PITPNM2: variants seen among roughly 807,000 people sequenced by gnomAD.
The protein encoded by PITPNM2 is membrane-associated phosphatidylinositol transfer protein 2.
A neutral mutation model predicts 132.2 loss-of-function variants in PITPNM2; 35 were observed. That is an observed-to-expected ratio of 0.26 (90% CI 0.20 to 0.35). The LOEUF (loss-of-function observed/expected upper bound fraction) is 0.35. Ranked by LOEUF, PITPNM2 falls within the 10% of genes least tolerant of loss-of-function variation. The probability of loss-of-function intolerance (pLI) is 1.00; values close to 1 mark genes in which losing one functional copy is unlikely to be tolerated. For missense variants in PITPNM2, 1,332 were observed against 1,912.0 expected (o/e 0.70, Z 5.66); for synonymous variants, 738 against 799.2 (o/e 0.92, Z 1.29).
chr12:123,102,463 G>A (rs1195846108), intron 2 of PITPNM2, among the ~76,000 whole-genome samples: 1 of 152,196 alleles, frequency 6.6e-6, no homozygotes, highest in African/African-American at 2.4e-5. Flanking sequence ...TACTGTGATG[G>A]GGACGATGAA....
In PITPNM2 at chr12:123,012,601, C is replaced by A; in HGVS notation, c.415+12G>T. ...GAGTACAGCCCTGTGGGGCTCTGCC[C>A]TTCCTGGTTACCGATTGTCAGCTGG... On this transcript the variant is annotated intron_variant, in intron 5 of 25. Transcript: ENST00000320201. 1 of 1,613,912 alleles carries A rather than the reference C, an allele frequency of 6.2e-7. No individual in the cohort carries two copies. Among genetic ancestry groups the A allele is most frequent in the Non-Finnish European group, 8.5e-7 (1 of 1,179,804 alleles).
intron 1 of PITPNM2, among the ~76,000 whole-genome samples, chr12:123,139,842 G>A (rs984334746): frequency 1.3e-5 from 2 of 152,224 alleles, no homozygotes; most frequent in Admixed American, 6.5e-5. Context: ...CAGAGGCCAA[G>A]TAGTCCACTT....
chr12:123,091,410 A>T (rs781256490), intron 2 of PITPNM2: 2 of 152,182 alleles, frequency 1.3e-5, no homozygotes, highest in Non-Finnish European at 2.9e-5. Context: ...CCCCCATTTC[A>T]TTCTCACCAC....
At position 123,103,973 on chromosome 12, in the gene PITPNM2, G is replaced by A. The variant is rs151015077; in HGVS notation, c.-96+6412C>T. ...GTTGCGCAGGCTGGAGTGCAGTGGC[G>A]TGATCTTGGCTAACCGCAACCTCCG... On this transcript the variant is annotated intron_variant, in intron 2 of 25. Transcript: ENST00000320201. Among the ~76,000 whole-genome samples the A allele has an allele frequency of 6.0e-3, 916 of 152,130 alleles. 12 individuals carry two copies. Among genetic ancestry groups the A allele is most frequent in the African/African-American group, 0.021 (879 of 41,470 alleles).
chr12:123,103,135 T>G (rs1030422396), intron 2 of PITPNM2, among the ~76,000 whole-genome samples: 1 of 152,208 alleles, frequency 6.6e-6, no homozygotes, highest in Admixed American at 6.5e-5. Context: ...ACACAAGGCC[T>G]CTGGTTTGTG....
intron 23 of PITPNM2, 78 bp from the exon 24 acceptor site, chr12:122,986,907 CT>C (rs1465480212): frequency 6.8e-7 from 1 of 1,464,226 alleles, no homozygotes; most frequent in Non-Finnish European, 9.1e-7. Flanking sequence ...CCAGGGCCCA[CT>C]TGGGCCATTG....
chr12:123,005,606 C>A lies in PITPNM2; in HGVS notation c.644-58G>T. The A allele has an allele frequency of 1.3e-6, 2 of 1,542,768 alleles. No homozygotes were observed. Among genetic ancestry groups the A allele is most frequent in the Middle Eastern group, 1.7e-4 (1 of 5,790 alleles). On this transcript the variant is annotated intron_variant, in intron 6 of 25. Coordinates refer to ENST00000320201, the MANE Select transcript of PITPNM2 (RefSeq NM_020845.3). This position sits in a 1 kb window ranked among gnomAD's most constrained non-coding sequence, Gnocchi z 6.2. ...GAGGGGAGGGAGGTCAGCGCAGGAG[C>A]CTGCACGGAAGTGTGGGGCCCAGGC...
In PITPNM2 at chr12:122,988,248, G is replaced by A; in HGVS notation, c.2983C>T (p.His995Tyr). 1 of 1,612,816 alleles carries A rather than the reference G, an allele frequency of 6.2e-7. No homozygotes were observed. The highest frequency in any genetic ancestry group is 8.5e-7 in the Non-Finnish European group (1 of 1,179,922). The change falls in exon 20 of 26, where the codon CAC becomes TAC. Residue 995 changes from histidine (H) to tyrosine (Y), a missense_variant. His to Tyr is a moderately conservative substitution (Grantham distance 83, BLOSUM62 2). Around this residue, in one of 6 missense-constraint regions of PITPNM2, gnomAD observed 251 missense variants for 472.0 expected, o/e 0.53. Coordinates refer to ENST00000320201, the MANE Select transcript of PITPNM2 (RefSeq NM_020845.3). ...GGGACCCTCACCCGCAGCTTCACGT[G>A]GGTCCGCTTGCGCTGCCACTTCTCC... ...PREKWQRKRTHVKLRNVTANH... is the reference protein window; with the variant it reads ...PREKWQRKRTYVKLRNVTANH...
At chr12:123,010,261 A>G (rs924482259) in intron 5 of PITPNM2, among the ~76,000 whole-genome samples, 184 bp from the exon 6 acceptor site, 2 of 152,158 alleles carry the variant, frequency 1.3e-5, no homozygotes, top group South Asian at 2.1e-4. Flanking sequence ...TGGGGCCTGC[A>G]GTTTCCTTGG....
At chr12:123,050,994 T>TC (rs2040837567) in intron 2 of PITPNM2, among the ~76,000 whole-genome samples, 1 of 152,194 alleles carries the variant, frequency 6.6e-6, no homozygotes, top group Non-Finnish European at 1.5e-5. Flanking sequence ...CTATGCACTG[T>TC]CCAACTCCAA....
rs1419920535 is a variant in PITPNM2 at position 123,001,078 on chromosome 12, T to G, written c.1129A>C (p.Ser377Arg). Reference protein sequence around the residue: ...SSNDLMDKIESPEPEDTQDGL... With the variant: ...SSNDLMDKIERPEPEDTQDGL... ...CCTTGTGTGTCTTCCGGCTCTGGGC[T>G]CTCGATCTTGTCCATGAGGTCATTG... is the stretch of plus-strand genomic sequence containing the variant. The change falls in exon 9 of 26, where the codon AGC becomes CGC. Residue 377 changes from serine to arginine, a missense_variant. Around this residue, in one of 6 missense-constraint regions of PITPNM2, gnomAD observed 710 missense variants for 911.5 expected, o/e 0.78. Coordinates refer to ENST00000320201, the MANE Select transcript of PITPNM2 (RefSeq NM_020845.3). The G allele has an allele frequency of 6.2e-7, 1 of 1,614,172 alleles. No homozygotes were observed. Among genetic ancestry groups the G allele is most frequent in the East Asian group, 2.2e-5 (1 of 44,886 alleles).
In PITPNM2 at chr12:123,113,829, A is replaced by G. The variant is rs191604337; in HGVS notation, c.-199-3341T>C. Reference sequence around the variant, plus strand: ...TCATCACCCCAAAAAGAAAACTTGTACACATAAGCAGTCACTTCCCATCCT... The same window carrying G: ...TCATCACCCCAAAAAGAAAACTTGTGCACATAAGCAGTCACTTCCCATCCT... On this transcript the variant is annotated intron_variant, in intron 1 of 25. Transcript: ENST00000320201. Among the ~76,000 whole-genome samples, 50 of 152,314 alleles carry G rather than the reference A, an allele frequency of 3.3e-4. 1 individual carries two copies. Among genetic ancestry groups the G allele is most frequent in the Admixed American group, 3.0e-3 (46 of 15,300 alleles).
intron 1 of PITPNM2, among the ~76,000 whole-genome samples, chr12:123,112,686 T>C (rs2042863017): frequency 6.6e-6 from 1 of 152,024 alleles, no homozygotes; most frequent in South Asian, 2.1e-4. Flanking sequence ...CTACGGCGAC[T>C]GCCACCACGC....
chr12:123,143,585 AC>A (rs1489973221), intron 1 of PITPNM2, among the ~76,000 whole-genome samples: 1 of 151,914 alleles, frequency 6.6e-6, no homozygotes, highest in Non-Finnish European at 1.5e-5. Flanking sequence ...GGCCCCAGGA[AC>A]CCCCCATCTT....
At position 123,095,026 on chromosome 12, in the gene PITPNM2, T is replaced by TA. The variant is rs1487393847; in HGVS notation, c.-96+15358dup. On this transcript the variant is annotated intron_variant, in intron 2 of 25. Coordinates refer to ENST00000320201, the MANE Select transcript of PITPNM2 (RefSeq NM_020845.3). This position sits in a 1 kb window ranked among gnomAD's most constrained non-coding sequence, Gnocchi z 5.0. Reference sequence around the variant, plus strand: ...AGCAAGCATGTTTATCCTTCCCTCATACAACACTTTTTCTTTGGTCACTTC... The same window carrying TA: ...AGCAAGCATGTTTATCCTTCCCTCATAACAACACTTTTTCTTTGGTCACTTC... Among the ~76,000 whole-genome samples, 1 of 152,210 alleles carries TA rather than the reference T, an allele frequency of 6.6e-6. No homozygotes were observed. The highest frequency in any genetic ancestry group is 1.5e-5 in the Non-Finnish European group (1 of 68,022).
chr12:123,008,042 T>C lies in PITPNM2; in HGVS notation c.643+1808A>G, dbSNP rs946273815. On this transcript the variant is annotated intron_variant, in intron 6 of 25. Coordinates refer to ENST00000320201, the MANE Select transcript of PITPNM2 (RefSeq NM_020845.3). The surrounding 1 kb of genome is among the most constrained non-coding windows in gnomAD (Gnocchi z 4.1). Reference sequence around the variant, plus strand: ...CTCGGCCCACAACAGTCCGATAGGATCGGTGTCATTACACCCATTTTACAG... The same window carrying C: ...CTCGGCCCACAACAGTCCGATAGGACCGGTGTCATTACACCCATTTTACAG... Among the ~76,000 whole-genome samples the C allele has an allele frequency of 3.9e-5, 6 of 152,228 alleles. No individual in the cohort carries two copies. Among genetic ancestry groups the C allele is most frequent in the African/African-American group, 9.6e-5 (4 of 41,456 alleles).
chr12:123,044,793 A>AT (rs919426230), intron 2 of PITPNM2, among the ~76,000 whole-genome samples: 20 of 152,070 alleles, frequency 1.3e-4, no homozygotes, highest in African/African-American at 4.6e-4. Flanking sequence ...TTTATCATTA[A>AT]TTTTTTTGGA....
At chr12:123,079,142 G>A (rs1381904794) in intron 2 of PITPNM2, among the ~76,000 whole-genome samples, 1 of 152,030 alleles carries the variant, frequency 6.6e-6, no homozygotes, top group Non-Finnish European at 1.5e-5. Flanking sequence ...TTAGGGCTGG[G>A]AGCACAGTAG....
At chr12:123,090,793 G>T (rs1387607639) in intron 2 of PITPNM2, 4 of 152,412 alleles carry the variant, frequency 2.6e-5, no homozygotes, top group East Asian at 3.9e-4. Flanking sequence ...TATGGGGATG[G>T]GAGACTGAAG....
Sources: allele counts gnomAD v4.1 joint callset (sites outside exome capture counted in the v4.1 genomes callset), GRCh38; gene constraint gnomAD v4.1.1; regional missense constraint gnomAD v4.1.1; non-coding constraint Gnocchi (gnomAD v3.1); transcripts MANE v1.5; gene names NCBI Gene and HGNC (gene_info 2026-07-23, HGNC 2026-07-21).